The following KLHDC4 variants were observed in gnomAD, a reference collection of about 807,000 sequenced individuals.
KLHDC4 encodes kelch domain containing 4.
In KLHDC4, 90 loss-of-function variants were observed where a neutral mutation model predicts 62.4. The ratio of observed to expected loss-of-function variants is 1.44; its 90% CI spans 1.22 to 1.72. KLHDC4 has a LOEUF of 1.72. Ranked by LOEUF, KLHDC4 falls within the 40% of genes most tolerant of loss-of-function variation. The pLI, the probability that KLHDC4 is intolerant of heterozygous loss-of-function variation, is 0.00. For missense variants in KLHDC4, 1,025 were observed against 699.7 expected, an observed-to-expected ratio of 1.47 and a Z score of -5.25; for synonymous variants, 386 against 284.4, an observed-to-expected ratio of 1.36 and a Z score of -3.59.
At chr16:87,765,287 C>G (rs1263448320) in intron 1 of KLHDC4, 1 of 456,074 alleles carries the variant, frequency 2.2e-6, no homozygotes, top group African/African-American at 2.0e-5. Context: ...GTGCCTTCTT[C>G]ACTTAACCAT....
intron 7 of KLHDC4, among the ~76,000 whole-genome samples, chr16:87,716,354 G>A (rs187922200): frequency 4.6e-4 from 70 of 152,244 alleles, no homozygotes; most frequent in South Asian, 3.7e-3. Context: ...CTCTGGGTAC[G>A]CGCTATGTCT....
intron 5 of KLHDC4, among the ~76,000 whole-genome samples, chr16:87,748,214 G>C (rs1226305217): frequency 6.6e-6 from 1 of 152,168 alleles, no homozygotes; most frequent in Non-Finnish European, 1.5e-5. Flanking sequence ...GGCTGAGCAG[G>C]GTTCACTGAA....
chr16:87,720,786 G>A (rs2142994576), intron 7 of KLHDC4, among the ~76,000 whole-genome samples: 1 of 152,348 alleles, frequency 6.6e-6, no homozygotes, highest in South Asian at 2.1e-4. Flanking sequence ...ACTGCTTCAG[G>A]GAAGCTGCTC....
chr16:87,714,796 C>T (rs1022981527), intron 7 of KLHDC4, among the ~76,000 whole-genome samples: 4 of 152,172 alleles, frequency 2.6e-5, no homozygotes, highest in Non-Finnish European at 5.9e-5. Context: ...TTCTAATGGC[C>T]GCGATCACAC....
chr16:87,734,783 C>G (rs1429654569), intron 5 of KLHDC4, among the ~76,000 whole-genome samples: 1 of 152,164 alleles, frequency 6.6e-6, no homozygotes, highest in African/African-American at 2.4e-5. Context: ...CACAGTTCCA[C>G]AGACTCCACA....
At chr16:87,726,175 C>A (rs72812205) in intron 7 of KLHDC4, among the ~76,000 whole-genome samples, 11 of 147,220 alleles carry the variant, frequency 7.5e-5, no homozygotes, top group Non-Finnish European at 1.5e-5. Flanking sequence ...TATTTTCCCA[C>A]GCCGCAACTC....
chr16:87,731,366 C>T (rs1488984343), intron 5 of KLHDC4, among the ~76,000 whole-genome samples: 2 of 151,836 alleles, frequency 1.3e-5, no homozygotes, highest in Non-Finnish European at 2.9e-5. Context: ...GCCACTGTGC[C>T]CGGCCCAGAA....
chr16:87,698,526 T>C (rs557079824), exon 1 of KLHDC4: 4 of 152,332 alleles, frequency 2.6e-5, no homozygotes, highest in Admixed American at 1.3e-4. Context: ...CTGAGCGAAG[T>C]TGTGCAGAGA....
At position 87,700,599 on chromosome 16, in the gene KLHDC4, A is replaced by AGGTGGAGGGAGGAAACAG. The variant is rs1351357027; in HGVS notation, c.*1022_*1039dup. On this transcript the variant is annotated 3_prime_UTR_variant, in exon 1 of 1. Coordinates refer to the KLHDC4 transcript ENST00000446344. Reference sequence around the variant, plus strand: ...GAAGAGGGTGGAGGGAGGAGAGAAGAGGTGGAGGGAGGAAACAGGGTGGAG... The same window carrying AGGTGGAGGGAGGAAACAG: ...GAAGAGGGTGGAGGGAGGAGAGAAGAGGTGGAGGGAGGAAACAGGGTGGAGGGAGGAAACAGGGTGGAG... 8.7e-5 allele frequency: 15 copies of AGGTGGAGGGAGGAAACAG among 173,220 alleles called. No homozygotes were observed. In the East Asian group the frequency reaches 2.3e-3, roughly 27 times the overall value. 10.7% of individuals were successfully genotyped at this position (173,220 alleles called of 1,614,324 possible).
intron 2 of KLHDC4, among the ~76,000 whole-genome samples, chr16:87,757,119 G>C (rs1038022455): frequency 6.6e-6 from 1 of 151,712 alleles, no homozygotes; most frequent in South Asian, 2.1e-4. Context: ...CTGGACCTCA[G>C]AACTGTCCTC....
At chr16:87,703,629 A>G (rs2034299548), downstream of KLHDC4, among the ~76,000 whole-genome samples, 1 of 152,200 alleles carries the variant, frequency 6.6e-6, no homozygotes, top group Non-Finnish European at 1.5e-5. Flanking sequence ...GCCTGAGTCC[A>G]GCCTCTAAAG....
chr16:87,751,132 T>G (rs569797365), intron 4 of KLHDC4, among the ~76,000 whole-genome samples: 4 of 152,166 alleles, frequency 2.6e-5, no homozygotes, highest in Non-Finnish European at 4.4e-5. Flanking sequence ...AAAAACACTA[T>G]AGAAAGAACA....
At chr16:87,720,306 T>G (rs2038014504) in intron 7 of KLHDC4, among the ~76,000 whole-genome samples, 1 of 152,082 alleles carries the variant, frequency 6.6e-6, no homozygotes, top group Admixed American at 6.5e-5. Flanking sequence ...GAAATCACAA[T>G]CAGGCAGGGA....
chr16:87,702,545 C>G (rs1281879885), exon 1 of KLHDC4: 1 of 354,012 alleles, frequency 2.8e-6, no homozygotes, highest in Non-Finnish European at 5.6e-6. Flanking sequence ...CAGGCGCCCC[C>G]TCCTGGACGC....
Position 87,708,402 on chromosome 16 carries a change from C to T in KLHDC4, c.1512G>A (p.Glu504=). ...EEDSEEVEGA[E]GGVDDEDSGE... The stretch of plus-strand genomic sequence containing the variant: ...CGCTGTCTTCGTCGTCGACCCCACC[C>T]TCGGCGCCCTCAACCTCCTCACTGT... Residue 504 remains glutamate, a synonymous_variant, in exon 11 of 12, where the codon GAG becomes GAA. Coordinates refer to ENST00000270583, the MANE Select transcript of KLHDC4 (RefSeq NM_017566.4). 2 of 1,611,910 alleles carry T rather than the reference C, an allele frequency of 1.2e-6. No homozygotes were observed. Among genetic ancestry groups the T allele is most frequent in the Non-Finnish European group, 1.7e-6 (2 of 1,179,522 alleles).
intron 5 of KLHDC4, among the ~76,000 whole-genome samples, chr16:87,738,286 C>CTGAGGACCAAA: frequency 6.6e-6 from 1 of 152,056 alleles, no homozygotes; most frequent in South Asian, 2.1e-4. Context: ...GCAGCTTTAG[C>CTGAGGACCAAA]TGAGGACCAA....
intron 8 of KLHDC4, among the ~76,000 whole-genome samples, chr16:87,713,209 T>G (rs1157831221): frequency 1.3e-5 from 2 of 151,516 alleles, no homozygotes; most frequent in Non-Finnish European, 2.9e-5. Flanking sequence ...ATATTTTTTT[T>G]GTTTTTTTGA....
chr16:87,705,390 G>T (rs536424068), downstream of KLHDC4, among the ~76,000 whole-genome samples: 9 of 152,242 alleles, frequency 5.9e-5, no homozygotes, highest in African/African-American at 1.7e-4. Context: ...ACACTGAAGG[G>T]GCCCTGTTTT....
intron 2 of KLHDC4, among the ~76,000 whole-genome samples, chr16:87,758,495 G>T (rs760355709): frequency 6.6e-6 from 1 of 152,146 alleles, no homozygotes; most frequent in African/African-American, 2.4e-5. Flanking sequence ...CCTAGAATAG[G>T]CCAATTCACA....
Sources: allele counts gnomAD v4.1 joint callset (sites outside exome capture counted in the v4.1 genomes callset), GRCh38; gene constraint gnomAD v4.1.1; transcripts MANE v1.5; gene names NCBI Gene and HGNC (gene_info 2026-07-23, HGNC 2026-07-21).